Variants in SNX9 observed in about 807,000 individuals in gnomAD.
The protein encoded by SNX9 is sorting nexin 9, also known as sorting nexin-9.
A neutral mutation model predicts 89.4 loss-of-function variants in SNX9; 44 were observed. That is an observed-to-expected ratio of 0.49 (90% confidence interval 0.39 to 0.63). The LOEUF is 0.63. Ranked by LOEUF, SNX9 falls within the 30% of genes least tolerant of loss-of-function variation. The probability of loss-of-function intolerance (pLI) is 0.00; values close to 1 mark genes in which losing one functional copy is unlikely to be tolerated. For synonymous variants in SNX9, 236 were observed against 247.8 expected (o/e 0.95, Z 0.45); for missense variants, 578 against 736.1 (o/e 0.79, Z 2.49).
chr6:157,922,874 A>C (rs558659137), intron 10 of SNX9, among the ~76,000 whole-genome samples: 1 of 152,360 alleles, frequency 6.6e-6, no homozygotes, highest in Non-Finnish European at 1.5e-5. Flanking sequence ...CTTTGAATTC[A>C]GTAAATATTT....
intron 1 of SNX9, among the ~76,000 whole-genome samples, chr6:157,836,539 CAG>C (rs879308203): frequency 1.3e-5 from 2 of 151,972 alleles, no homozygotes; most frequent in African/African-American, 2.4e-5. Flanking sequence ...TTAAATCACA[CAG>C]AGTTTCTGAT....
intron 4 of SNX9, among the ~76,000 whole-genome samples, chr6:157,884,222 G>A (rs1782686248): frequency 6.6e-6 from 1 of 152,158 alleles, no homozygotes; most frequent in South Asian, 2.1e-4. Context: ...TTAAACAAAT[G>A]CTTGAAGTTA....
intron 1 of SNX9, among the ~76,000 whole-genome samples, chr6:157,829,642 A>G (rs1298123814): frequency 1.3e-5 from 2 of 152,130 alleles, no homozygotes; most frequent in East Asian, 3.8e-4. Context: ...CTACATTTAC[A>G]ATTAGTATTA....
chr6:157,900,933 C>G (rs796372375), intron 5 of SNX9, among the ~76,000 whole-genome samples: 1 of 152,124 alleles, frequency 6.6e-6, no homozygotes, highest in Non-Finnish European at 1.5e-5. Flanking sequence ...CTAAAGAGGC[C>G]CAGAAGAGCC....
chr6:157,859,043 A>G (rs894867296), intron 1 of SNX9, among the ~76,000 whole-genome samples: 12 of 152,156 alleles, frequency 7.9e-5, no homozygotes, highest in African/African-American at 2.7e-4. Context: ...TTTTTTCCAG[A>G]TAGGTTTTAC....
chr6:157,940,791 G>C (rs1077649), intron 16 of SNX9, 92 bp from the exon 17 acceptor site: 61,709 of 1,129,414 alleles, frequency 0.055, 1,931 homozygotes, highest in East Asian at 0.11. Context: ...ATTAGGTCAG[G>C]TTGATGATTA....
At chr6:157,904,040 C>T (rs1783160640) in intron 6 of SNX9, among the ~76,000 whole-genome samples, 1 of 152,084 alleles carries the variant, frequency 6.6e-6, no homozygotes, top group Non-Finnish European at 1.5e-5. Context: ...AACACTTTTT[C>T]AGCAATTAAT....
chr6:157,934,936 A>C (rs1050843941), intron 13 of SNX9, among the ~76,000 whole-genome samples: 1 of 152,242 alleles, frequency 6.6e-6, no homozygotes, highest in African/African-American at 2.4e-5. Flanking sequence ...AAAGACTTAG[A>C]TACCAATTGG....
chr6:157,945,002 A>AATGATTTGT lies in SNX9; in HGVS notation c.*2167_*2175dup, dbSNP rs1164891063. On this transcript the variant is annotated 3_prime_UTR_variant, in exon 18 of 18. Transcript: ENST00000392185. ...TAGATACGTTGATGTTTTGATTTTT[A>AATGATTTGT]ATGATTTGTATCAACCTGTAGGTAC... 1.3e-5 allele frequency: 2 copies of AATGATTTGT among 152,210 alleles called. No homozygotes were observed. The highest frequency in any genetic ancestry group is 2.9e-5 in the Non-Finnish European group (2 of 68,038). 9.4% of individuals were successfully genotyped at this position (152,210 alleles called of 1,614,324 possible).
intron 1 of SNX9, among the ~76,000 whole-genome samples, chr6:157,837,856 C>T (rs1028008596): frequency 1.3e-5 from 2 of 152,202 alleles, no homozygotes; most frequent in African/African-American, 4.8e-5. Flanking sequence ...CTGAACTGCA[C>T]TGTTCAGTTT....
chr6:157,907,160 G>T (rs1783231956), intron 7 of SNX9, among the ~76,000 whole-genome samples: 1 of 152,126 alleles, frequency 6.6e-6, no homozygotes, highest in Non-Finnish European at 1.5e-5. Flanking sequence ...TTATATTAAA[G>T]ATTTTTTTTT....
chr6:157,872,852 C>T (rs116432244), intron 2 of SNX9: 1 of 314,810 alleles, frequency 3.2e-6, no homozygotes, highest in African/African-American at 2.2e-5. Context: ...TGAGGGTCAT[C>T]TAATCATCAG....
intron 2 of SNX9, among the ~76,000 whole-genome samples, chr6:157,869,814 A>G (rs1583208755): frequency 6.6e-6 from 1 of 151,786 alleles, no homozygotes; most frequent in East Asian, 1.9e-4. Context: ...GCACCCATGT[A>G]CGTACTCTCA....
intron 13 of SNX9, among the ~76,000 whole-genome samples, chr6:157,932,907 C>T (rs1319134895): frequency 7.2e-6 from 1 of 138,206 alleles, no homozygotes; most frequent in African/African-American, 2.6e-5. Flanking sequence ...CAGATTTCAT[C>T]AAGGCCATTT....
At chr6:157,832,503 G>A (rs1781496525) in intron 1 of SNX9, among the ~76,000 whole-genome samples, 1 of 152,190 alleles carries the variant, frequency 6.6e-6, no homozygotes, top group Admixed American at 6.5e-5. Context: ...AAATGTCTGT[G>A]TATTAGTCTG....
At chr6:157,840,602 AT>A (rs1249295589) in intron 1 of SNX9, among the ~76,000 whole-genome samples, 1 of 151,876 alleles carries the variant, frequency 6.6e-6, no homozygotes, top group Non-Finnish European at 1.5e-5. Flanking sequence ...TTTAAGCCTT[AT>A]TTTATCCCTT....
At chr6:157,901,082 G>C (rs929152714) in intron 5 of SNX9, among the ~76,000 whole-genome samples, 1 of 152,106 alleles carries the variant, frequency 6.6e-6, no homozygotes, top group African/African-American at 2.4e-5. Flanking sequence ...AGGAATCTTG[G>C]TGATGTGAAA....
In SNX9 at chr6:157,834,578, C is replaced by T. The variant is rs952341980; in HGVS notation, c.12+11132C>T. 3.3e-5 allele frequency among the ~76,000 whole-genome samples: 5 copies of T among 151,908 alleles called. No homozygotes were observed. The South Asian group carries it at 6.3e-4, about 19-fold the overall frequency. On this transcript the variant is annotated intron_variant, in intron 1 of 17. Transcript: ENST00000392185. ...CCATGTTCCCCAGGTTGGTCTCAAA[C>T]TCCTAGGCTCAAACGATCCTCCTGT...
At chr6:157,881,796 G>A (rs1353681159) in intron 4 of SNX9, among the ~76,000 whole-genome samples, 1 of 152,198 alleles carries the variant, frequency 6.6e-6, no homozygotes, top group Admixed American at 6.5e-5. Context: ...GAGAGGTGAG[G>A]AAGCTGCAGA....
Sources: gnomAD v4.1 joint callset for allele counts (sites outside exome capture counted in the v4.1 genomes callset) on GRCh38, gnomAD v4.1.1 for gene constraint, MANE v1.5 for transcripts, NCBI Gene and HGNC (gene_info 2026-07-23, HGNC 2026-07-21) for gene names.